KIF26B: variants seen among roughly 807,000 people sequenced by gnomAD.
KIF26B encodes kinesin-like protein KIF26B.
KIF26B carries 63 observed loss-of-function variants against 151.2 expected under a neutral mutation model. That is an observed-to-expected ratio of 0.42 (90% CI 0.34 to 0.51). The LOEUF is 0.51. KIF26B is among the 20% of genes least tolerant of loss of function. KIF26B has a pLI of 0.07. For synonymous variants in KIF26B, 1,357 were observed against 1,262.1 expected (o/e 1.08, Z -1.59); for missense variants, 2,813 against 2,913.6 (o/e 0.97, Z 0.79).
chr1:245,400,983 C>T (rs1314864296), intron 3 of KIF26B, among the ~76,000 whole-genome samples: 1 of 152,108 alleles, frequency 6.6e-6, no homozygotes, highest in Non-Finnish European at 1.5e-5. Context: ...CCAATGATCC[C>T]ATTTTTTTTC....
Position 245,686,533 on chromosome 1 carries a change from G to C in KIF26B, c.3550G>C (p.Gly1184Arg). 1.9e-6 allele frequency: 3 copies of C among 1,613,126 alleles called. No individual in the cohort carries two copies. Among genetic ancestry groups the C allele is most frequent in the Non-Finnish European group, 2.5e-6 (3 of 1,179,792 alleles). Reference protein sequence around the residue: ...VTVQQPLELNGEDELVFTLVE... With the variant: ...VTVQQPLELNREDELVFTLVE... ...GGTGCAGCAGCCACTGGAGCTGAAC[G>C]GTGAGGACGAGCTGGTGTTCACGCT... Residue 1184 changes from glycine (G) to arginine (R), a missense_variant, in exon 12 of 15, where the codon GGT becomes CGT. Physicochemically the swap from Gly to Arg is moderately radical, Grantham distance 125. Around this residue, in one of 3 missense-constraint regions of KIF26B, gnomAD observed 2,060 missense variants for 2,088.6 expected, o/e 0.99. Coordinates refer to ENST00000407071, the MANE Select transcript of KIF26B (RefSeq NM_018012.4). The surrounding 1 kb of genome is among the most constrained non-coding windows in gnomAD (Gnocchi z 5.6).
chr1:245,611,848 T>C lies in KIF26B; in HGVS notation c.1970T>C (p.Leu657Pro), dbSNP rs1456989026. The C allele has an allele frequency of 1.2e-6, 2 of 1,613,718 alleles. No individual in the cohort carries two copies. Among genetic ancestry groups the C allele is most frequent in the Non-Finnish European group, 1.7e-6 (2 of 1,179,880 alleles). The change falls in exon 9 of 15, where the codon CTG (leucine) becomes CCG (proline). Residue 657 changes from leucine (L) to proline (P), a missense_variant. Physicochemically the swap from Leu to Pro is moderately conservative, Grantham distance 98. This residue lies in a region of KIF26B where 2,060 missense variants were observed against 2,088.6 expected (regional missense o/e 0.99). Coordinates refer to ENST00000407071, the MANE Select transcript of KIF26B (RefSeq NM_018012.4). The stretch of plus-strand genomic sequence containing the variant: ...ACCGCAGAGAAGGCTGCCTTTTTCC[T>C]GGATGCCGCCATTGCCTCCCGCAGG... ...APTAEKAAFF[L>P]DAAIASRRSH...
intron 2 of KIF26B, among the ~76,000 whole-genome samples, chr1:245,356,243 A>C (rs1672695142): frequency 1.3e-5 from 2 of 152,178 alleles, no homozygotes; most frequent in Admixed American, 1.3e-4. Flanking sequence ...AAACGTGACA[A>C]AAGCAAAAAG....
intron 2 of KIF26B, among the ~76,000 whole-genome samples, chr1:245,246,908 G>C (rs1199507267): frequency 7.5e-5 from 10 of 133,620 alleles, no homozygotes; most frequent in African/African-American, 1.1e-4. Flanking sequence ...CACACACACA[G>C]ACACAGACAC....
chr1:245,451,450 T>C (rs908959574), intron 4 of KIF26B, among the ~76,000 whole-genome samples: 3 of 151,970 alleles, frequency 2.0e-5, no homozygotes, highest in Non-Finnish European at 4.4e-5. Context: ...GATAATATTG[T>C]TTTTATTTTT....
intron 9 of KIF26B, among the ~76,000 whole-genome samples, chr1:245,619,275 G>C (rs1338987723): frequency 1.3e-5 from 2 of 152,230 alleles, no homozygotes. Context: ...GAGTGCCACA[G>C]TGCTGGGGCT....
chr1:245,366,495 C>T (rs12402640), intron 2 of KIF26B, among the ~76,000 whole-genome samples: 6,163 of 149,748 alleles, frequency 0.041, 216 homozygotes, highest in African/African-American at 0.09. Flanking sequence ...CGTGCCATTG[C>T]GCTCCAGCCT....
At chr1:245,230,208 C>T (rs547634904) in intron 2 of KIF26B, among the ~76,000 whole-genome samples, 70 of 150,598 alleles carry the variant, frequency 4.6e-4, no homozygotes, top group Non-Finnish European at 3.2e-4. Context: ...TAACTAGAGA[C>T]GAGGTGTACC....
intron 9 of KIF26B, among the ~76,000 whole-genome samples, chr1:245,625,305 T>A (rs751420580): frequency 1.7e-4 from 25 of 151,254 alleles, no homozygotes; most frequent in Non-Finnish European, 2.7e-4. Flanking sequence ...GTAGAAAAAA[T>A]TTCTATCAAA....
At chr1:245,238,384 A>C (rs926519845) in intron 2 of KIF26B, among the ~76,000 whole-genome samples, 2 of 152,194 alleles carry the variant, frequency 1.3e-5, no homozygotes, top group Admixed American at 6.5e-5. Context: ...TGATCTTTTT[A>C]AACATAGGAG....
At chr1:245,428,983 C>T (rs898657302) in intron 4 of KIF26B, among the ~76,000 whole-genome samples, 7 of 26,414 alleles carry the variant, frequency 2.7e-4, no homozygotes, top group African/African-American at 5.6e-4. Flanking sequence ...GTGGTGGGGG[C>T]GGGGGTGGGG....
intron 3 of KIF26B, among the ~76,000 whole-genome samples, chr1:245,394,844 C>T (rs1673791754): frequency 6.6e-6 from 1 of 151,880 alleles, no homozygotes. Flanking sequence ...GTGCTCGCCA[C>T]CACGCCTGGC....
chr1:245,329,866 G>A lies in KIF26B; in HGVS notation c.466-36968G>A, dbSNP rs139667955. 4.1e-3 allele frequency among the ~76,000 whole-genome samples: 629 copies of A among 152,316 alleles called. 3 individuals carry two copies. The highest frequency in any genetic ancestry group is 4.6e-3 in the Non-Finnish European group (311 of 68,028). On this transcript the variant is annotated intron_variant, in intron 2 of 14. Coordinates refer to ENST00000407071, the MANE Select transcript of KIF26B (RefSeq NM_018012.4). ...CTCACTCCGTTGTACAGGCTGGAGT[G>A]CAGTGGCACAATCACTGTTCACTGC... is the stretch of plus-strand genomic sequence containing the variant.
intron 10 of KIF26B, among the ~76,000 whole-genome samples, chr1:245,651,007 T>C (rs941545176): frequency 1.3e-5 from 2 of 152,140 alleles, no homozygotes; most frequent in Non-Finnish European, 2.9e-5. Flanking sequence ...TGAGCTCGCC[T>C]CCTCCTCTCT....
chr1:245,433,910 G>A (rs1490291998), intron 4 of KIF26B, among the ~76,000 whole-genome samples: 1 of 152,100 alleles, frequency 6.6e-6, no homozygotes, highest in African/African-American at 2.4e-5. Context: ...GGCCTTGGCA[G>A]TGACAAAGAA....
intron 5 of KIF26B, among the ~76,000 whole-genome samples, chr1:245,578,636 G>T (rs887990172): frequency 3.3e-5 from 5 of 152,202 alleles, no homozygotes; most frequent in Non-Finnish European, 5.9e-5. Flanking sequence ...TTCCTGCTGG[G>T]CCTAATTCTG....
At chr1:245,223,569 AAGTT>A (rs1177190301) in intron 2 of KIF26B, among the ~76,000 whole-genome samples, 3 of 152,180 alleles carry the variant, frequency 2.0e-5, no homozygotes, top group African/African-American at 7.2e-5. Flanking sequence ...CCATAGAAAA[AAGTT>A]AGAACAGTGG....
rs141853364 is a variant in KIF26B, at chr1:245,235,625, G to T, written c.465+78942G>T. The stretch of plus-strand genomic sequence containing the variant: ...AAAGAAAGGGAGAGACGGAGGGAGA[G>T]AGGCAGGGAGGAAGGAAGGGTTCAG... On this transcript the variant is annotated intron_variant, in intron 2 of 14. Transcript: ENST00000407071. Among the ~76,000 whole-genome samples the T allele has an allele frequency of 7.4e-4, 113 of 151,940 alleles. 1 individual carries two copies. The East Asian group carries it at 0.012, about 16-fold the overall frequency.
At position 245,244,419 on chromosome 1, in the gene KIF26B, G is replaced by A. The variant is rs940031234; in HGVS notation, c.465+87736G>A. ...GATATGTAGTGGGTGGGTAAAATCC[G>A]TGAAAGGGTGAGTATTTTGCTTTTA... On this transcript the variant is annotated intron_variant, in intron 2 of 14. Transcript: ENST00000407071. The surrounding 1 kb of genome is among the most constrained non-coding windows in gnomAD (Gnocchi z 4.2). 4.6e-5 allele frequency among the ~76,000 whole-genome samples: 7 copies of A among 152,142 alleles called. No individual in the cohort carries two copies. Among genetic ancestry groups the A allele is most frequent in the Non-Finnish European group, 8.8e-5 (6 of 68,042 alleles).
Sources: allele counts gnomAD v4.1 joint callset (sites outside exome capture counted in the v4.1 genomes callset), GRCh38; gene constraint gnomAD v4.1.1; regional missense constraint gnomAD v4.1.1; non-coding constraint Gnocchi (gnomAD v3.1); transcripts MANE v1.5; gene names NCBI Gene and HGNC (gene_info 2026-07-23, HGNC 2026-07-21).